The following PLCB1 variants were observed in gnomAD, a reference collection of about 807,000 sequenced individuals.
PLCB1 encodes the protein phospholipase C beta 1.
Under a neutral mutation model 161.8 loss-of-function variants are expected in PLCB1, and 46 were observed. The observed-to-expected ratio is 0.28, with a 90% CI of 0.22 to 0.36. PLCB1 has a LOEUF of 0.36. PLCB1 is among the 10% of genes least tolerant of loss of function. The pLI is 1.00. For synonymous variants in PLCB1, 517 were observed against 503.7 expected, an observed-to-expected ratio of 1.03 and a Z score of -0.35; for missense variants, 1,016 against 1,472.5, an observed-to-expected ratio of 0.69 and a Z score of 5.07.
intron 3 of PLCB1, among the ~76,000 whole-genome samples, chr20:8,558,668 A>G (rs1191634036): frequency 6.6e-6 from 1 of 151,896 alleles, no homozygotes; most frequent in Admixed American, 6.6e-5. Flanking sequence ...GCTCTAGACA[A>G]AGAATCTTGA....
intron 3 of PLCB1, among the ~76,000 whole-genome samples, chr20:8,506,683 A>G (rs1983650291): frequency 6.6e-6 from 1 of 152,182 alleles, no homozygotes; most frequent in Non-Finnish European, 1.5e-5. Context: ...AACTGACCTT[A>G]ACTAATGTAA....
intron 3 of PLCB1, among the ~76,000 whole-genome samples, chr20:8,455,815 C>G (rs1320149130): frequency 1.3e-5 from 2 of 152,084 alleles, no homozygotes; most frequent in African/African-American, 4.8e-5. Flanking sequence ...CACTCACTCC[C>G]CAGCGTCACA....
intron 3 of PLCB1, among the ~76,000 whole-genome samples, chr20:8,513,266 A>C (rs990817207): frequency 1.3e-5 from 2 of 152,218 alleles, no homozygotes; most frequent in African/African-American, 4.8e-5. Flanking sequence ...CCACACAGGG[A>C]TATAGATGTG....
intron 31 of PLCB1, among the ~76,000 whole-genome samples, chr20:8,878,529 T>C (rs1261171696): frequency 1.3e-5 from 2 of 152,188 alleles, no homozygotes; most frequent in African/African-American, 4.8e-5. Flanking sequence ...TACAAGGTGC[T>C]CCATCATAGC....
At chr20:8,848,609 A>G (rs1215581631) in intron 31 of PLCB1, among the ~76,000 whole-genome samples, 3 of 152,218 alleles carry the variant, frequency 2.0e-5, no homozygotes, top group Non-Finnish European at 4.4e-5. Context: ...GTACCCCAGC[A>G]TTAGGGAGGC....
At chr20:8,620,951 T>G (rs561316419) in intron 3 of PLCB1, among the ~76,000 whole-genome samples, 56 of 152,214 alleles carry the variant, frequency 3.7e-4, no homozygotes, top group African/African-American at 1.2e-3. Flanking sequence ...TAGAAGCCCC[T>G]TTGACACATC....
intron 3 of PLCB1, among the ~76,000 whole-genome samples, chr20:8,418,096 T>C (rs554836280): frequency 6.6e-6 from 1 of 152,330 alleles, no homozygotes; most frequent in African/African-American, 2.4e-5. Context: ...AGGTGGGAAG[T>C]AGTAAAAGTC....
Position 8,770,152 on chromosome 20 carries a change from C to T in PLCB1, c.2931-4387C>T, listed in dbSNP as rs183228863. On this transcript the variant is annotated intron_variant, in intron 26 of 31. Coordinates refer to ENST00000338037, the MANE Select transcript of PLCB1 (RefSeq NM_015192.4). Reference sequence around the variant, plus strand: ...TATTTTTAGTAGAGACGGGGTTTCACTGTGTTAGCCAGGATGGCCTCGATC... The same window carrying T: ...TATTTTTAGTAGAGACGGGGTTTCATTGTGTTAGCCAGGATGGCCTCGATC... 2.2e-3 allele frequency among the ~76,000 whole-genome samples: 340 copies of T among 152,068 alleles called. 2 individuals are homozygous for T. Among genetic ancestry groups the T allele is most frequent in the Admixed American group, 0.02 (301 of 15,284 alleles).
At chr20:8,719,358 A>C (rs1381544363) in intron 14 of PLCB1, among the ~76,000 whole-genome samples, 1 of 152,218 alleles carries the variant, frequency 6.6e-6, no homozygotes, top group East Asian at 1.9e-4. Flanking sequence ...GACACGTACA[A>C]GAATTGCTTA....
At chr20:8,644,397 T>C (rs1186969083) in intron 4 of PLCB1, among the ~76,000 whole-genome samples, 13 of 139,620 alleles carry the variant, frequency 9.3e-5, no homozygotes, top group Non-Finnish European at 1.6e-4. Flanking sequence ...GAGGAGCGTC[T>C]CTGCCCGGCC....
intron 31 of PLCB1, chr20:8,792,702 C>T (rs1983822755): frequency 2.2e-6 from 1 of 460,138 alleles, no homozygotes; most frequent in East Asian, 7.0e-5. Flanking sequence ...CAAACTAAAG[C>T]ATTTCTTGAG....
At chr20:8,254,718 A>C (rs769005179) in intron 2 of PLCB1, among the ~76,000 whole-genome samples, 3 of 152,044 alleles carry the variant, frequency 2.0e-5, no homozygotes, top group Non-Finnish European at 4.4e-5. Context: ...CTTTTTGTTT[A>C]AAATAATGTA....
At chr20:8,765,118 T>G in intron 25 of PLCB1, 21 bp from the exon 26 acceptor site, 1 of 1,597,882 alleles carries the variant, frequency 6.3e-7, no homozygotes, top group Non-Finnish European at 8.6e-7. Context: ...TTCCCTTAGC[T>G]TTCATATTCA....
chr20:8,209,131 G>A (rs963769615), intron 2 of PLCB1, among the ~76,000 whole-genome samples: 5 of 152,204 alleles, frequency 3.3e-5, no homozygotes, highest in East Asian at 1.9e-4. Context: ...AGGGGTGGCC[G>A]TCCTGACCAC....
At chr20:8,518,146 C>A (rs1230683422) in intron 3 of PLCB1, among the ~76,000 whole-genome samples, 1 of 151,780 alleles carries the variant, frequency 6.6e-6, no homozygotes, top group Non-Finnish European at 1.5e-5. Context: ...CGCACCACTG[C>A]ACACCAGCCT....
In PLCB1 at chr20:8,295,944, T is replaced by C. The variant is rs142419838; in HGVS notation, c.178-75438T>C. ...CCTAGGCTAGTCTCAAATTCCTGGGTTCAAGCAATCCTCCCACCTCTACCT... is the reference window on the plus strand; with the variant it reads ...CCTAGGCTAGTCTCAAATTCCTGGGCTCAAGCAATCCTCCCACCTCTACCT... On this transcript the variant is annotated intron_variant, in intron 2 of 31. Transcript: ENST00000338037. 4.0e-4 allele frequency among the ~76,000 whole-genome samples: 61 copies of C among 151,980 alleles called. 1 individual carries two copies. The East Asian group carries it at 0.012, about 29-fold the overall frequency.
intron 3 of PLCB1, among the ~76,000 whole-genome samples, chr20:8,544,195 G>T (rs2423377): frequency 1.6e-4 from 24 of 151,626 alleles, no homozygotes; most frequent in Admixed American, 1.1e-3. Flanking sequence ...TAAAAAAAAG[G>T]CAGATGAGAG....
chr20:8,258,936 A>G (rs890091697), intron 2 of PLCB1, among the ~76,000 whole-genome samples: 3 of 152,166 alleles, frequency 2.0e-5, no homozygotes, highest in Non-Finnish European at 2.9e-5. Flanking sequence ...CACTGGCAAC[A>G]TTTCCATGCA....
intron 2 of PLCB1, among the ~76,000 whole-genome samples, chr20:8,343,978 A>G (rs138813378): frequency 8.5e-5 from 13 of 152,240 alleles, no homozygotes; most frequent in Non-Finnish European, 1.8e-4. Flanking sequence ...CTCCATGTCC[A>G]ATGTCTTGAG....
Sources: gnomAD v4.1 joint callset for allele counts (sites outside exome capture counted in the v4.1 genomes callset) on GRCh38, gnomAD v4.1.1 for gene constraint, MANE v1.5 for transcripts, NCBI Gene and HGNC (gene_info 2026-07-23, HGNC 2026-07-21) for gene names.